Variants in SPAG16 observed in about 807,000 individuals in gnomAD.
SPAG16 encodes sperm associated antigen 16, also known as sperm-associated antigen 16 protein.
SPAG16 carries 86 observed loss-of-function variants against 80.4 expected under a neutral mutation model. That is an observed-to-expected ratio of 1.07 (90% CI 0.90 to 1.28). The LOEUF (loss-of-function observed/expected upper bound fraction) is 1.28. Ranked by LOEUF, SPAG16 falls within the 50% of genes most tolerant of loss-of-function variation. The pLI, the probability that SPAG16 is intolerant of heterozygous loss-of-function variation, is 0.00. For missense variants in SPAG16, 870 were observed against 765.3 expected (o/e 1.14, Z -1.61); for synonymous variants, 294 against 265.9 (o/e 1.11, Z -1.03).
intron 10 of SPAG16, among the ~76,000 whole-genome samples, chr2:213,820,654 G>A (rs1186780030): frequency 6.6e-6 from 1 of 151,918 alleles, no homozygotes; most frequent in Non-Finnish European, 1.5e-5. Flanking sequence ...CTGCAATAAA[G>A]ACTTCTAAAT....
At chr2:213,729,850 C>T (rs959915725) in intron 10 of SPAG16, among the ~76,000 whole-genome samples, 12 of 152,118 alleles carry the variant, frequency 7.9e-5, no homozygotes, top group South Asian at 2.1e-4. Context: ...TTGGTGAGAA[C>T]AGACTAACAT....
rs2075516965 is a variant in SPAG16, at chr2:213,862,549, T to C, written c.1135T>C (p.Leu379=). ...SCGEDRLWKV[L]GLPKCNVLLT... ...TGGCGAGGACCGACTCTGGAAGGTG[T>C]TGGGCCTTCCAAAATGCAATGTGCT... Residue 379 remains leucine, a synonymous_variant, in exon 11 of 16, where the codon TTG becomes CTG. Transcript: ENST00000331683. 1 of 1,614,168 alleles carries C rather than the reference T, an allele frequency of 6.2e-7. No individual in the cohort carries two copies. The highest frequency in any genetic ancestry group is 8.5e-7 in the Non-Finnish European group (1 of 1,180,008).
At chr2:213,717,542 G>A (rs1256559556) in intron 10 of SPAG16, among the ~76,000 whole-genome samples, 1 of 151,786 alleles carries the variant, frequency 6.6e-6, no homozygotes, top group Non-Finnish European at 1.5e-5. Flanking sequence ...CAGAACGTCC[G>A]GAGACTTAAA....
At chr2:214,102,292 A>C (rs1050083334) in intron 13 of SPAG16, among the ~76,000 whole-genome samples, 1 of 152,052 alleles carries the variant, frequency 6.6e-6, no homozygotes, top group Non-Finnish European at 1.5e-5. Context: ...TACAATAAAT[A>C]AGGAGAAAAA....
chr2:213,321,487 A>G (rs945873647), intron 5 of SPAG16, among the ~76,000 whole-genome samples: 1 of 152,136 alleles, frequency 6.6e-6, no homozygotes, highest in Non-Finnish European at 1.5e-5. Flanking sequence ...GTGCTTTGAA[A>G]TGTCAGCTAT....
At position 214,014,214 on chromosome 2, in the gene SPAG16, T is replaced by C. The variant is rs79773524; in HGVS notation, c.1527+137T>C. On this transcript the variant is annotated intron_variant, in intron 13 of 15. Transcript: ENST00000331683. Reference sequence around the variant, plus strand: ...CAAAAGAACAGTAAAAAGTTCATAATTACAAGATCCTTTCTATGCACTTGT... The same window carrying C: ...CAAAAGAACAGTAAAAAGTTCATAACTACAAGATCCTTTCTATGCACTTGT... 1,419 of 1,095,934 alleles carry C rather than the reference T, an allele frequency of 1.3e-3. 14 individuals are homozygous for C. The African/African-American group carries it at 0.017, about 13-fold the overall frequency. The allele number at this position is 1,095,934 out of a possible 1,614,324, so 67.9% of individuals were successfully genotyped here. A position where few individuals can be genotyped will look rare whatever the true frequency, so the allele number is the denominator to read the frequency against.
At chr2:214,264,677 C>T (rs545970716) in intron 15 of SPAG16, among the ~76,000 whole-genome samples, 6 of 152,160 alleles carry the variant, frequency 3.9e-5, no homozygotes, top group Admixed American at 2.0e-4. Context: ...TGTTGAAGTC[C>T]ATGCATTTTA....
chr2:213,994,684 T>C (rs1458125874), intron 12 of SPAG16, among the ~76,000 whole-genome samples: 1 of 152,062 alleles, frequency 6.6e-6, no homozygotes, highest in Non-Finnish European at 1.5e-5. Flanking sequence ...TATTCATGAC[T>C]GCTTTGGTTA....
chr2:213,755,525 T>C (rs1377914166), intron 10 of SPAG16, among the ~76,000 whole-genome samples: 1 of 152,238 alleles, frequency 6.6e-6, no homozygotes, highest in East Asian at 1.9e-4. Context: ...GAATATGCCA[T>C]ACATTGCACT....
At chr2:213,285,675 C>T (rs2062029282) in intron 1 of SPAG16, among the ~76,000 whole-genome samples, 1 of 152,060 alleles carries the variant, frequency 6.6e-6, no homozygotes, top group Non-Finnish European at 1.5e-5. Context: ...AAGAATTTAG[C>T]TGAAAGATTA....
At chr2:213,879,213 T>C (rs1218051342) in intron 11 of SPAG16, among the ~76,000 whole-genome samples, 1 of 152,062 alleles carries the variant, frequency 6.6e-6, no homozygotes, top group African/African-American at 2.4e-5. Context: ...TGATAGAGAT[T>C]GCACTTAAAC....
rs939061959 is a variant in SPAG16, at chr2:214,319,785, T to C, written c.1721-90355T>C. On this transcript the variant is annotated intron_variant, in intron 15 of 15. Coordinates refer to ENST00000331683, the MANE Select transcript of SPAG16 (RefSeq NM_024532.5). ...ACACAATATATGCTCATTAATATTA[T>C]TGAAGAAATAGGAGCTTGATTTGTC... Among the ~76,000 whole-genome samples the C allele has an allele frequency of 7.2e-5, 11 of 152,352 alleles. No homozygotes were observed. In the East Asian group the frequency reaches 1.2e-3, roughly 16 times the overall value.
intron 15 of SPAG16, among the ~76,000 whole-genome samples, chr2:214,266,292 G>A (rs1446975873): frequency 1.3e-5 from 2 of 151,866 alleles, no homozygotes; most frequent in Non-Finnish European, 2.9e-5. Context: ...TCTAGAATAC[G>A]TTGCCACAAG....
intron 1 of SPAG16, among the ~76,000 whole-genome samples, chr2:213,286,646 C>A (rs761760378): frequency 6.6e-6 from 1 of 152,250 alleles, no homozygotes; most frequent in Non-Finnish European, 1.5e-5. Context: ...AATCTGATGT[C>A]CTCTGCTTCG....
At chr2:214,170,423 T>G (rs1416267000) in intron 15 of SPAG16, among the ~76,000 whole-genome samples, 1 of 152,066 alleles carries the variant, frequency 6.6e-6, no homozygotes, top group Non-Finnish European at 1.5e-5. Context: ...GACAATCGGA[T>G]AGATACTAAA....
At position 213,560,303 on chromosome 2, in the gene SPAG16, A is replaced by G. The variant is rs181352052; in HGVS notation, c.1070+70213A>G. Among the ~76,000 whole-genome samples the G allele has an allele frequency of 8.5e-5, 13 of 152,224 alleles. No homozygotes were observed. The East Asian group carries it at 2.1e-3, about 25-fold the overall frequency. ...TTGGGAAAAGATAAAGCTAGAAACT[A>G]TGTTTAGAAAGTTTGTAACTCCTTG... is the stretch of plus-strand genomic sequence containing the variant. On this transcript the variant is annotated intron_variant, in intron 10 of 15. Coordinates refer to ENST00000331683, the MANE Select transcript of SPAG16 (RefSeq NM_024532.5).
chr2:214,353,434 T>C (rs2126054253), intron 15 of SPAG16, among the ~76,000 whole-genome samples: 1 of 152,312 alleles, frequency 6.6e-6, no homozygotes, highest in African/African-American at 2.4e-5. Flanking sequence ...CAATTTAGTT[T>C]AGATTGGTTT....
At chr2:214,366,258 G>A (rs1699473227) in intron 15 of SPAG16, among the ~76,000 whole-genome samples, 1 of 152,140 alleles carries the variant, frequency 6.6e-6, no homozygotes, top group South Asian at 2.1e-4. Context: ...TTGCAGGTGT[G>A]AGCCACTGCG....
At chr2:213,650,706 A>G (rs1217795435) in intron 10 of SPAG16, among the ~76,000 whole-genome samples, 1 of 152,194 alleles carries the variant, frequency 6.6e-6, no homozygotes, top group South Asian at 2.1e-4. Flanking sequence ...TTTTCTCAGC[A>G]GTGGTCAACT....
Sources: gnomAD v4.1 joint callset for allele counts (sites outside exome capture counted in the v4.1 genomes callset) on GRCh38, gnomAD v4.1.1 for gene constraint, MANE v1.5 for transcripts, NCBI Gene and HGNC (gene_info 2026-07-23, HGNC 2026-07-21) for gene names.